The following ALLC variants were observed in gnomAD, a reference collection of about 807,000 sequenced individuals.
ALLC encodes the protein allantoicase.
ALLC carries 40 observed loss-of-function variants against 45.0 expected under a neutral mutation model. The ratio of observed to expected loss-of-function variants is 0.89; its 90% CI spans 0.69 to 1.16. ALLC has a LOEUF of 1.16. ALLC is among the 50% of genes most tolerant of loss of function. ALLC has a pLI of 0.00. For missense variants in ALLC, 488 were observed against 493.1 expected, an observed-to-expected ratio of 0.99 and a Z score of 0.10; for synonymous variants, 176 against 178.1, an observed-to-expected ratio of 0.99 and a Z score of 0.09.
intron 7 of ALLC, chr2:3,694,786 T>C (rs1667616303): frequency 6.6e-6 from 1 of 152,208 alleles, no homozygotes; most frequent in African/African-American, 2.4e-5. Flanking sequence ...ATTTGTAAAA[T>C]AAAAACATAT....
the ALLC span, among the ~76,000 whole-genome samples, chr2:3,649,434 G>C: frequency 2.0e-5 from 3 of 152,064 alleles, no homozygotes; most frequent in Non-Finnish European, 4.4e-5. Flanking sequence ...GTAGAGACGG[G>C]GTTTCACCGT....
the ALLC span, among the ~76,000 whole-genome samples, chr2:3,652,661 C>T: frequency 7.8e-5 from 11 of 141,038 alleles, no homozygotes; most frequent in African/African-American, 2.9e-4. Flanking sequence ...GTGATCTCGG[C>T]TCACTGCAGC....
At chr2:3,660,913 G>A (rs13432750) in intron 1 of ALLC, among the ~76,000 whole-genome samples, 29,908 of 148,392 alleles carry the variant, frequency 0.2, 3,649 homozygotes, top group African/African-American at 0.35. Flanking sequence ...GATCAAAAAA[G>A]GTTGCTTTAT....
rs13431227 is a variant in ALLC at position 3,680,715 on chromosome 2, T to C, written c.298+721T>C. Among the ~76,000 whole-genome samples the C allele has an allele frequency of 0.1, 15,313 of 152,206 alleles. 934 individuals are homozygous for C. Among genetic ancestry groups the C allele is most frequent in the African/African-American group, 0.15 (6,151 of 41,518 alleles). ...GCTCACATGCTGTAGGGAAAGGGTC[T>C]GCGTGCTCCAGCGGGACAACTGAAG... On this transcript the variant is annotated intron_variant, in intron 5 of 11. Coordinates refer to ENST00000252505, the MANE Select transcript of ALLC (RefSeq NM_018436.4). The surrounding 1 kb of genome is among the most constrained non-coding windows in gnomAD (Gnocchi z 4.0).
the ALLC span, among the ~76,000 whole-genome samples, chr2:3,651,214 GAC>G: frequency 2.6e-5 from 4 of 151,846 alleles, no homozygotes; most frequent in African/African-American, 9.7e-5. Context: ...AGAGGACGAG[GAC>G]GGCGGCGCCC....
rs111876121 is a variant in ALLC at position 3,671,011 on chromosome 2, T to C, written c.-62-85T>C. 43 of 759,244 alleles carry C rather than the reference T, an allele frequency of 5.7e-5. No homozygotes were observed. In the African/African-American group the frequency reaches 6.6e-4, roughly 12 times the overall value. 47.0% of individuals were successfully genotyped at this position (759,244 alleles called of 1,614,324 possible). ...TGTCACTGCCTGACTTTTGAAAGTC[T>C]CAAATCTTAGCGTCAGGAGCCTAGA... is the stretch of plus-strand genomic sequence containing the variant. On this transcript the variant is annotated intron_variant, in intron 1 of 11. Coordinates refer to ENST00000252505, the MANE Select transcript of ALLC (RefSeq NM_018436.4).
At chr2:3,649,323 A>G in the ALLC span, among the ~76,000 whole-genome samples, 3 of 150,594 alleles carry the variant, frequency 2.0e-5, no homozygotes, top group Admixed American at 6.6e-5. Flanking sequence ...CTCACTGCAA[A>G]CTCCACCTCC....
rs965989528 is a variant in ALLC at position 3,685,459 on chromosome 2, G to C, written c.511+2385G>C. ...AGAGAGAGAGAGACAGAGAGAGAGA[G>C]AGACAGAGACAGACAGACAGAGAGA... On this transcript the variant is annotated intron_variant, in intron 7 of 11. Coordinates refer to ENST00000252505, the MANE Select transcript of ALLC (RefSeq NM_018436.4). 1.3e-4 allele frequency among the ~76,000 whole-genome samples: 20 copies of C among 150,792 alleles called. 1 individual carries two copies. The highest frequency in any genetic ancestry group is 6.0e-4 in the Admixed American group (9 of 15,090).
rs1488977759 is a variant in ALLC at position 3,671,164 on chromosome 2, A to G, written c.7A>G (p.Met3Val). Residue 3 changes from methionine to valine, a missense_variant, in exon 2 of 12, where the codon ATG becomes GTG. Met to Val is a conservative substitution (Grantham distance 21). Coordinates refer to ENST00000252505, the MANE Select transcript of ALLC (RefSeq NM_018436.4). MD[M>V]ASESVGGKIL... ...TCTGGACTTCACCCAGCTGATGGAC[A>G]TGGCATCTGAATCCGTAGGAGGAAA... 2 of 1,611,822 alleles carry G rather than the reference A, an allele frequency of 1.2e-6. No homozygotes were observed. The highest frequency in any genetic ancestry group is 2.7e-5 in the African/African-American group (2 of 75,042).
At chr2:3,681,594 G>C in intron 5 of ALLC, 40 bp from the exon 6 acceptor site, 1 of 1,466,108 alleles carries the variant, frequency 6.8e-7, no homozygotes, top group East Asian at 2.4e-5. Context: ...CTTTGATTTT[G>C]AACCCTAATC....
intron 3 of ALLC, among the ~76,000 whole-genome samples, chr2:3,676,483 G>T (rs1572515056): frequency 6.6e-6 from 1 of 152,164 alleles, no homozygotes; most frequent in East Asian, 1.9e-4. Flanking sequence ...CTGGGCTCAA[G>T]CAGTCCTCCT....
chr2:3,699,485 C>T (rs1667766626), intron 10 of ALLC, among the ~76,000 whole-genome samples: 1 of 152,108 alleles, frequency 6.6e-6, no homozygotes, highest in South Asian at 2.1e-4. Flanking sequence ...GTCTTTATGG[C>T]AGAATGATTT....
upstream of ALLC, among the ~76,000 whole-genome samples, chr2:3,655,098 G>T (rs888055953): frequency 2.0e-5 from 3 of 152,220 alleles, no homozygotes; most frequent in African/African-American, 7.2e-5. Flanking sequence ...TCACTGGTGG[G>T]GTCAGCTCCG....
the ALLC span, among the ~76,000 whole-genome samples, chr2:3,651,442 T>TGTGTGTGTGTGTGTGTGTG: frequency 2.3e-3 from 60 of 25,598 alleles, 19 homozygotes; most frequent in South Asian, 6.2e-3. Context: ...TGTGTGTGTG[T>TGTGTGTGTGTGTGTGTGTG]TAGGAAGGGA....
intron 7 of ALLC, among the ~76,000 whole-genome samples, chr2:3,683,684 A>G (rs1667256458): frequency 6.6e-6 from 1 of 152,216 alleles, no homozygotes; most frequent in Non-Finnish European, 1.5e-5. Context: ...ACTTAGTATA[A>G]TGTTTTCAAG....
intron 10 of ALLC, among the ~76,000 whole-genome samples, chr2:3,700,399 T>A (rs1344512112): frequency 6.6e-6 from 1 of 152,224 alleles, no homozygotes; most frequent in East Asian, 1.9e-4. Flanking sequence ...TTGCATTTTT[T>A]ATGGTATCTT....
chr2:3,679,761 C>A, intron 4 of ALLC, 108 bp from the exon 5 acceptor site: 1 of 1,476,780 alleles, frequency 6.8e-7, no homozygotes, highest in Non-Finnish European at 9.4e-7. Flanking sequence ...CTGTGATGGA[C>A]GGAATGGCCC....
Position 3,681,718 on chromosome 2 carries a change from A to G in ALLC, c.378+5A>G. 1 of 1,603,936 alleles carries G rather than the reference A, an allele frequency of 6.2e-7. No homozygotes were observed. Among genetic ancestry groups the G allele is most frequent in the African/African-American group, 1.3e-5 (1 of 74,768 alleles). On this transcript the variant is annotated splice_donor_5th_base_variant and intron_variant, in intron 6 of 11. Coordinates refer to ENST00000252505, the MANE Select transcript of ALLC (RefSeq NM_018436.4). ...GAGTTTGAAGCCATTGCTGAGGTAC[A>G]TCTCCCCCAAATGAATTGGGTCTTG...
chr2:3,646,600 A>G, the ALLC span, among the ~76,000 whole-genome samples: 1 of 152,270 alleles, frequency 6.6e-6, no homozygotes, highest in African/African-American at 2.4e-5. Context: ...ACAGCTGGAG[A>G]AGCAGGTGCC....
Sources: allele counts gnomAD v4.1 joint callset (sites outside exome capture counted in the v4.1 genomes callset), GRCh38; gene constraint gnomAD v4.1.1; non-coding constraint Gnocchi (gnomAD v3.1); transcripts MANE v1.5; gene names NCBI Gene and HGNC (gene_info 2026-07-23, HGNC 2026-07-21).